The following EFL1 variants were observed in gnomAD, a reference collection of about 807,000 sequenced individuals.
EFL1 encodes the protein elongation factor-like GTPase 1.
In EFL1, 76 loss-of-function variants were observed where a neutral mutation model predicts 126.7. That is an observed-to-expected ratio of 0.60 (90% CI 0.50 to 0.73). EFL1 has a LOEUF of 0.73. EFL1 is among the 30% of genes least tolerant of loss of function. The pLI, the probability that EFL1 is intolerant of heterozygous loss-of-function variation, is 0.00. For synonymous variants in EFL1, 410 were observed against 448.4 expected (o/e 0.91, Z 1.08); for missense variants, 1,128 against 1,343.2 (o/e 0.84, Z 2.50).
intron 15 of EFL1, among the ~76,000 whole-genome samples, chr15:82,169,506 T>C (rs752781628): frequency 9.9e-5 from 15 of 152,146 alleles, no homozygotes; most frequent in Non-Finnish European, 1.8e-4. Context: ...AAAATCCAGA[T>C]TCCTGACATG....
At chr15:82,131,571 A>G (rs2073645154) in intron 19 of EFL1, among the ~76,000 whole-genome samples, 1 of 152,120 alleles carries the variant, frequency 6.6e-6, no homozygotes, top group Non-Finnish European at 1.5e-5. Flanking sequence ...CAGGTGGATC[A>G]TCTGAGGTCA....
chr15:82,150,441 T>C lies in EFL1; in HGVS notation c.2989+1024A>G, dbSNP rs7166718. On this transcript the variant is annotated intron_variant, in intron 18 of 19. Transcript: ENST00000268206. ...CTTCACTACTGAAACAGTTCCATGA[T>C]CTTGAGAGAATAAGAGAACTACTGT... 6.0e-3 allele frequency among the ~76,000 whole-genome samples: 918 copies of C among 152,334 alleles called. 11 individuals are homozygous for C. Among genetic ancestry groups the C allele is most frequent in the African/African-American group, 0.021 (878 of 41,576 alleles).
rs1304817889 is a variant in EFL1, at chr15:82,151,715, C to T, written c.2739G>A (p.Glu913=). ...AACAGGTTTCATTTTCCTCCTGTCC[C>T]TCTTTTGCCAGATCACTTGCTCCTT... is the stretch of plus-strand genomic sequence containing the variant. ...EEQGASDLAK[E]GQEENETCSG... Residue 913 remains glutamate (E), a synonymous_variant, in exon 18 of 20, where the codon GAG becomes GAA. Coordinates refer to ENST00000268206, the MANE Select transcript of EFL1 (RefSeq NM_024580.6). 1.4e-5 allele frequency: 22 copies of T among 1,614,050 alleles called. No homozygotes were observed. Among genetic ancestry groups the T allele is most frequent in the Non-Finnish European group, 1.9e-5 (22 of 1,180,052 alleles).
At chr15:82,222,246 T>C (rs1332127431) in intron 12 of EFL1, among the ~76,000 whole-genome samples, 2 of 152,194 alleles carry the variant, frequency 1.3e-5, no homozygotes, top group African/African-American at 4.8e-5. Context: ...GTATTCCTAT[T>C]CTACATATAA....
chr15:82,221,405 T>C lies in EFL1; in HGVS notation c.1293-1176A>G, dbSNP rs372270393. The stretch of plus-strand genomic sequence containing the variant: ...GACCCTTAGGGCTCCTGATGCAAAG[T>C]GGCCTAACTCCTTCTACCTTTCTAT... On this transcript the variant is annotated intron_variant, in intron 12 of 19. Coordinates refer to ENST00000268206, the MANE Select transcript of EFL1 (RefSeq NM_024580.6). 6.9e-3 allele frequency among the ~76,000 whole-genome samples: 1,043 copies of C among 152,244 alleles called. 11 individuals are homozygous for C. Among genetic ancestry groups the C allele is most frequent in the African/African-American group, 0.024 (996 of 41,528 alleles).
rs74591795 is a variant in EFL1, at chr15:82,258,770, C to T, written c.159+318G>A. On this transcript the variant is annotated intron_variant, in intron 3 of 19. Transcript: ENST00000268206. ...CGTCTTATTTCCCACTACCTGGTAG[C>T]TTTTCTGTCTTCTCCTCAAACCACT... 8.1e-3 allele frequency among the ~76,000 whole-genome samples: 1,231 copies of T among 152,350 alleles called. 18 individuals are homozygous for T. Among genetic ancestry groups the T allele is most frequent in the African/African-American group, 0.027 (1,126 of 41,578 alleles).
At chr15:82,199,296 T>A (rs1169432014) in intron 15 of EFL1, among the ~76,000 whole-genome samples, 2 of 152,126 alleles carry the variant, frequency 1.3e-5, no homozygotes, top group Non-Finnish European at 2.9e-5. Flanking sequence ...AGATAGCAGT[T>A]GGTTGCTCCA....
chr15:82,187,824 CCTA>C (rs2074318583), intron 15 of EFL1, among the ~76,000 whole-genome samples: 1 of 151,838 alleles, frequency 6.6e-6, no homozygotes, highest in Non-Finnish European at 1.5e-5. Context: ...CTCTTTTTTA[CCTA>C]CTTAATCTAC....
chr15:82,171,734 T>G lies in EFL1; in HGVS notation c.1751-7750A>C, dbSNP rs533660690. Among the ~76,000 whole-genome samples, 5 of 150,814 alleles carry G rather than the reference T, an allele frequency of 3.3e-5. No homozygotes were observed. The East Asian group carries it at 7.8e-4, about 24-fold the overall frequency. ...GACTACTAGAGAGTGGGGAGGGAGG[T>G]TGGATAAAAAACTACCTATCAGGTA... is the stretch of plus-strand genomic sequence containing the variant. On this transcript the variant is annotated intron_variant, in intron 15 of 19. Coordinates refer to ENST00000268206, the MANE Select transcript of EFL1 (RefSeq NM_024580.6).
chr15:82,231,330 T>C (rs1206883051), intron 7 of EFL1, among the ~76,000 whole-genome samples: 2 of 152,214 alleles, frequency 1.3e-5, no homozygotes, highest in Non-Finnish European at 2.9e-5. Context: ...TAAAATTTTA[T>C]TTCAGCTACT....
intron 11 of EFL1, among the ~76,000 whole-genome samples, chr15:82,225,731 T>C (rs112851085): frequency 0.011 from 1,729 of 152,238 alleles, 43 homozygotes; most frequent in African/African-American, 0.039. Flanking sequence ...TGGACAAAAA[T>C]ACTGTATTAT....
At chr15:82,132,364 A>G (rs369173572) in intron 19 of EFL1, among the ~76,000 whole-genome samples, 2 of 152,314 alleles carry the variant, frequency 1.3e-5, no homozygotes, top group African/African-American at 4.8e-5. Flanking sequence ...AAGGAGCCTC[A>G]GTGTGAGCCT....
chr15:82,151,430 G>A (rs771868474), intron 18 of EFL1, 35 bp downstream of exon 18: 2 of 1,547,294 alleles, frequency 1.3e-6, no homozygotes, highest in Admixed American at 3.9e-5. Context: ...TGTTATTCAG[G>A]GCATTTCTCA....
chr15:82,164,512 C>T (rs72749543), intron 15 of EFL1, among the ~76,000 whole-genome samples: 24,596 of 152,132 alleles, frequency 0.16, 2,603 homozygotes, highest in South Asian at 0.39. Context: ...CTGCCATACA[C>T]TCACTTCAGA....
intron 15 of EFL1, among the ~76,000 whole-genome samples, chr15:82,177,061 G>C (rs935886206): frequency 2.0e-5 from 3 of 152,170 alleles, no homozygotes; most frequent in African/African-American, 4.8e-5. Context: ...ATAGGGTGAA[G>C]GGGTGCGGTG....
intron 19 of EFL1, among the ~76,000 whole-genome samples, chr15:82,132,510 G>A (rs991147734): frequency 1.3e-5 from 2 of 150,104 alleles, no homozygotes; most frequent in Non-Finnish European, 3.0e-5. Flanking sequence ...AAGAGTCCCC[G>A]GAAGGAAAAG....
chr15:82,172,892 C>T (rs991174588), intron 15 of EFL1, among the ~76,000 whole-genome samples: 6 of 152,112 alleles, frequency 3.9e-5, no homozygotes, highest in African/African-American at 1.2e-4. Flanking sequence ...TTATCCCTTA[C>T]ATTAAAGTAT....
chr15:82,203,404 T>C (rs576223071), intron 15 of EFL1, among the ~76,000 whole-genome samples: 19 of 152,376 alleles, frequency 1.2e-4, no homozygotes, highest in Admixed American at 3.3e-4. Flanking sequence ...AGTCTCGCTC[T>C]GTCGCCCAAG....
intron 18 of EFL1, among the ~76,000 whole-genome samples, chr15:82,143,118 C>T (rs906595174): frequency 1.3e-5 from 2 of 152,090 alleles, no homozygotes; most frequent in Admixed American, 6.6e-5. Flanking sequence ...TTGTCCACAG[C>T]AATGTTTTCT....
Sources: allele counts gnomAD v4.1 joint callset (sites outside exome capture counted in the v4.1 genomes callset), GRCh38; gene constraint gnomAD v4.1.1; transcripts MANE v1.5; gene names NCBI Gene and HGNC (gene_info 2026-07-23, HGNC 2026-07-21).